CPLANE1: variants seen among roughly 807,000 people sequenced by gnomAD.
CPLANE1 encodes the protein ciliogenesis and planar polarity effector complex subunit 1.
A neutral mutation model predicts 362.5 loss-of-function variants in CPLANE1; 263 were observed. That is an observed-to-expected ratio of 0.73 (90% CI 0.66 to 0.80). The LOEUF is 0.80. CPLANE1 is among the 30% of genes least tolerant of loss of function. The probability of loss-of-function intolerance (pLI) is 0.00; values close to 1 mark genes in which losing one functional copy is unlikely to be tolerated. For missense variants in CPLANE1, 3,461 were observed against 3,793.4 expected, an observed-to-expected ratio of 0.91 and a Z score of 2.30; for synonymous variants, 1,212 against 1,302.6, an observed-to-expected ratio of 0.93 and a Z score of 1.50.
At chr5:37,089,377 C>T in the CPLANE1 span, among the ~76,000 whole-genome samples, 1 of 152,098 alleles carries the variant, frequency 6.6e-6, no homozygotes, top group African/African-American at 2.4e-5. Flanking sequence ...TCTGCAGACC[C>T]CTTTCAAACA....
chr5:37,078,313 T>C, the CPLANE1 span, among the ~76,000 whole-genome samples: 2 of 152,238 alleles, frequency 1.3e-5, no homozygotes, highest in African/African-American at 4.8e-5. Context: ...TTTCCGTTCC[T>C]GCCTTAGTTT....
At chr5:37,191,169 ATGT>A (rs1407034295) in intron 21 of CPLANE1, among the ~76,000 whole-genome samples, 1 of 152,078 alleles carries the variant, frequency 6.6e-6, no homozygotes, top group Non-Finnish European at 1.5e-5. Context: ...ACTAATGAAT[ATGT>A]TGTGTCTTAG....
intron 32 of CPLANE1, among the ~76,000 whole-genome samples, chr5:37,171,780 CTCTCTA>C (rs1202354609): frequency 1.6e-4 from 23 of 143,342 alleles, no homozygotes; most frequent in Middle Eastern, 3.7e-3. Flanking sequence ...CTCTCTCTCT[CTCTCTA>C]TCTATCTATT....
chr5:37,215,159 C>A (rs1449008479), intron 15 of CPLANE1, among the ~76,000 whole-genome samples: 1 of 152,120 alleles, frequency 6.6e-6, no homozygotes, highest in African/African-American at 2.4e-5. Flanking sequence ...AAGTGATTCT[C>A]CTGCCTCAGC....
intron 46 of CPLANE1, among the ~76,000 whole-genome samples, chr5:37,132,383 C>CA (rs1766150968): frequency 1.6e-5 from 2 of 122,118 alleles, no homozygotes; most frequent in African/African-American, 6.4e-5. Flanking sequence ...CTTGCTCTGT[C>CA]GCCCAGGCTG....
chr5:37,214,725 T>C (rs1005247609), intron 15 of CPLANE1, among the ~76,000 whole-genome samples: 6 of 152,242 alleles, frequency 3.9e-5, no homozygotes, highest in Admixed American at 1.3e-4. Context: ...GAGCAGTTCA[T>C]CTCTCTAGTA....
rs1561513091 is a variant in CPLANE1 at position 37,180,019 on chromosome 5, T to G, written c.5735A>C (p.Glu1912Ala). The change falls in exon 28 of 53, where the codon GAA becomes GCA. Residue 1912 changes from glutamate (E) to alanine (A), a missense_variant and splice_region_variant. Glu to Ala is a moderately radical substitution (Grantham distance 107, BLOSUM62 -1). Around this residue, in one of 2 missense-constraint regions of CPLANE1, gnomAD observed 3,380 missense variants for 3,666.1 expected, o/e 0.92. Coordinates refer to ENST00000651892, the MANE Select transcript of CPLANE1 (RefSeq NM_001384732.1). ...ATAGATTATCTAAATGAACTGACCT[T>G]CATAGTCTGATATGTGCATATCCAT... ...EEMDMHISDY[E>A]EDIEESVGGF... 3 of 1,541,458 alleles carry G rather than the reference T, an allele frequency of 1.9e-6. No homozygotes were observed. The African/African-American group carries it at 4.2e-5, about 22-fold the overall frequency.
chr5:37,126,320 A>G (rs142106042), intron 46 of CPLANE1, among the ~76,000 whole-genome samples: 1 of 152,322 alleles, frequency 6.6e-6, no homozygotes, highest in African/African-American at 2.4e-5. Context: ...TTCATGCCAC[A>G]CTTTCCATAG....
chr5:37,244,309 ATATAGT>A, intron 5 of CPLANE1, 60 bp downstream of exon 5: 1 of 970,174 alleles, frequency 1.0e-6, no homozygotes, highest in South Asian at 2.1e-5. Context: ...GACTAAAGAT[ATATAGT>A]TATACCATTA....
intron 33 of CPLANE1, 104 bp from the exon 34 acceptor site, chr5:37,169,665 G>C (rs1277653823): frequency 1.2e-6 from 1 of 854,872 alleles, no homozygotes; most frequent in Non-Finnish European, 1.8e-6. Flanking sequence ...TGTAGTAACT[G>C]CTAAAAAAAA....
chr5:37,129,152 G>C (rs1765072352), intron 46 of CPLANE1, among the ~76,000 whole-genome samples: 2 of 152,056 alleles, frequency 1.3e-5, no homozygotes, highest in Admixed American at 1.3e-4. Flanking sequence ...AACATAAAGG[G>C]GGAAGGACAC....
chr5:37,105,126 C>T (rs1461545730), downstream of CPLANE1, among the ~76,000 whole-genome samples: 1 of 151,984 alleles, frequency 6.6e-6, no homozygotes, highest in African/African-American at 2.4e-5. Context: ...ACATGAAACA[C>T]TGTCTCTATG....
chr5:37,209,705 C>A lies in CPLANE1; in HGVS notation c.2921-3280G>T. 2 of 1,236,498 alleles carry A rather than the reference C, an allele frequency of 1.6e-6. No individual in the cohort carries two copies. Among genetic ancestry groups the A allele is most frequent in the Non-Finnish European group, 2.4e-6 (2 of 838,332 alleles). 76.6% of individuals were successfully genotyped at this position (1,236,498 alleles called of 1,614,324 possible). ...TTACTATGCAGGATCTATTACAACT[C>A]ATTAAAATCAACCCTACTTCCAGTC... On this transcript the variant is annotated intron_variant, in intron 16 of 52. Coordinates refer to ENST00000651892, the MANE Select transcript of CPLANE1 (RefSeq NM_001384732.1). The surrounding 1 kb of genome is among the most constrained non-coding windows in gnomAD (Gnocchi z 4.6).
At chr5:37,151,076 C>G (rs777296386) in intron 42 of CPLANE1, among the ~76,000 whole-genome samples, 1 of 152,060 alleles carries the variant, frequency 6.6e-6, no homozygotes, top group Non-Finnish European at 1.5e-5. Flanking sequence ...GGAGAAAATC[C>G]CAATCGCTTG....
At chr5:37,239,986 G>C in intron 6 of CPLANE1, 117 bp from the exon 7 acceptor site, 1 of 621,928 alleles carries the variant, frequency 1.6e-6, no homozygotes, top group Non-Finnish European at 2.5e-6. Flanking sequence ...CATGTACTTA[G>C]GGAATATTTT....
At chr5:37,183,980 C>G (rs752396640) in intron 25 of CPLANE1, among the ~76,000 whole-genome samples, 17 of 152,058 alleles carry the variant, frequency 1.1e-4, no homozygotes, top group Admixed American at 2.0e-4. Context: ...TATAAAAGAA[C>G]ATGAATAATT....
At chr5:37,165,025 G>A (rs927153743) in intron 36 of CPLANE1, among the ~76,000 whole-genome samples, 4 of 152,194 alleles carry the variant, frequency 2.6e-5, no homozygotes, top group Non-Finnish European at 2.9e-5. Context: ...AGGATTGCCC[G>A]AGCCCAGGAG....
intron 1 of CPLANE1, among the ~76,000 whole-genome samples, chr5:37,248,451 T>TG: frequency 6.6e-6 from 1 of 152,174 alleles, no homozygotes; most frequent in Non-Finnish European, 1.5e-5. Flanking sequence ...GCTTGTTTTT[T>TG]TGTTTTTTTA....
chr5:37,181,991 C>G (rs1326963309), intron 26 of CPLANE1, among the ~76,000 whole-genome samples: 1 of 151,830 alleles, frequency 6.6e-6, no homozygotes, highest in African/African-American at 2.4e-5. Flanking sequence ...ACTCACAAGG[C>G]TGAGGCAGGA....
Sources: gnomAD v4.1 joint callset for allele counts (sites outside exome capture counted in the v4.1 genomes callset) on GRCh38, gnomAD v4.1.1 for gene constraint, gnomAD v4.1.1 regional missense constraint, Gnocchi (gnomAD v3.1) non-coding constraint, MANE v1.5 for transcripts, NCBI Gene and HGNC (gene_info 2026-07-23, HGNC 2026-07-21) for gene names.